Variants in ZNF292 observed in about 807,000 individuals in gnomAD.
ZNF292 encodes the protein 16 zinc-finger domain protein.
A neutral mutation model predicts 217.9 loss-of-function variants in ZNF292; 26 were observed. The ratio of observed to expected loss-of-function variants is 0.12; its 90% CI spans 0.09 to 0.17. ZNF292 has a LOEUF of 0.17. ZNF292 is among the 10% of genes least tolerant of loss of function. The probability of loss-of-function intolerance (pLI) is 1.00; values close to 1 mark genes in which losing one functional copy is unlikely to be tolerated. For synonymous variants in ZNF292, 1,257 were observed against 1,124.1 expected (o/e 1.12, Z -2.37); for missense variants, 2,904 against 3,175.2 (o/e 0.91, Z 2.05).
chr6:87,227,810 T>C (rs1773432645), intron 4 of ZNF292, among the ~76,000 whole-genome samples: 1 of 152,208 alleles, frequency 6.6e-6, no homozygotes, highest in African/African-American at 2.4e-5. Flanking sequence ...CCATTATATG[T>C]TTATACCACA....
At position 87,260,342 on chromosome 6, in the gene ZNF292, A is replaced by G. The variant is rs1775498174; in HGVS notation, c.6713A>G (p.Glu2238Gly). Residue 2238 changes from glutamate (E) to glycine (G), a missense_variant, in exon 8 of 8, where the codon GAG becomes GGG. Physicochemically the swap from Glu to Gly is moderately conservative, Grantham distance 98. Transcript: ENST00000369577. ...TATTTGAACTATGTTGTTCATCTAG[A>G]GGCAGACCACGGGATTGGACTAAGG... The part of the protein sequence containing the change: ...TTYLNYVVHL[E>G]ADHGIGLRAS... 6.2e-7 allele frequency: 1 copy of G among 1,613,434 alleles called. No homozygotes were observed. The highest frequency in any genetic ancestry group is 2.2e-5 in the East Asian group (1 of 44,862).
At position 87,155,608 on chromosome 6, in the gene ZNF292, C is replaced by G. The variant is rs936204691; in HGVS notation, c.17C>G (p.Ala6Gly). ...GGTGTGAAGATGGCGGACGAAGAGG[C>G]CGAGCAGGAGAGGTTGAGTTGCGGC... MADEE[A>G]EQERLSCGEG... Residue 6 changes from alanine to glycine, a missense_variant, in exon 1 of 8, where the codon GCC (alanine) becomes GGC (glycine). Physicochemically the swap from Ala to Gly is moderately conservative, Grantham distance 60. Around this residue, in one of 15 missense-constraint regions of ZNF292, gnomAD observed 66 missense variants for 44.1 expected, o/e 1.50. Transcript: ENST00000369577. The G allele has an allele frequency of 2.5e-6, 4 of 1,581,228 alleles. No individual in the cohort carries two copies. Among genetic ancestry groups the G allele is most frequent in the African/African-American group, 2.7e-5 (2 of 74,400 alleles).
Position 87,233,457 on chromosome 6 carries a change from A to C in ZNF292, c.671A>C (p.Lys224Thr), listed in dbSNP as rs1773751236. The change falls in exon 5 of 8, where the codon AAA becomes ACA. Residue 224 changes from lysine (K) to threonine (T), a missense_variant. By Grantham distance (78) the Lys-to-Thr change is moderately conservative. This residue lies in a region of ZNF292 where 313 missense variants were observed against 451.0 expected (regional missense o/e 0.69). Coordinates refer to ENST00000369577, the MANE Select transcript of ZNF292 (RefSeq NM_015021.3). ...TCTGACCATCCAGAGATTGGCATAA[A>C]AGGTAGTTTTAAGCAAACTTACCTT... The part of the protein sequence containing the change: ...LCSDHPEIGI[K>T]GSFKQTYLVC... 1 of 1,613,512 alleles carries C rather than the reference A, an allele frequency of 6.2e-7. No individual in the cohort carries two copies. Among genetic ancestry groups the C allele is most frequent in the Admixed American group, 1.7e-5 (1 of 60,004 alleles).
At position 87,218,750 on chromosome 6, in the gene ZNF292, G is replaced by A. The variant is rs1297008707; in HGVS notation, c.538+19G>A. On this transcript the variant is annotated intron_variant, in intron 4 of 7. Coordinates refer to ENST00000369577, the MANE Select transcript of ZNF292 (RefSeq NM_015021.3). The stretch of plus-strand genomic sequence containing the variant: ...GATAAAGGTAAATTTTCGAGAGACA[G>A]AGAAAAAAAAGAATAATTAGACTAG... The A allele has an allele frequency of 2.6e-6, 4 of 1,550,230 alleles. No individual in the cohort carries two copies. Among genetic ancestry groups the A allele is most frequent in the Admixed American group, 4.4e-5 (2 of 45,312 alleles).
chr6:87,250,566 T>G (rs1288681572), intron 7 of ZNF292, among the ~76,000 whole-genome samples: 1 of 152,226 alleles, frequency 6.6e-6, no homozygotes, highest in African/African-American at 2.4e-5. Context: ...GTATTAGGTA[T>G]TATAAGTAAT....
At chr6:87,215,814 T>C (rs1017388142) in intron 1 of ZNF292, 89 bp from the exon 2 acceptor site, 15 of 1,013,992 alleles carry the variant, frequency 1.5e-5, no homozygotes, top group African/African-American at 6.8e-5. Context: ...ATCTGTATTT[T>C]TCAAAATTTT....
intron 7 of ZNF292, among the ~76,000 whole-genome samples, 199 bp downstream of exon 7, chr6:87,245,843 C>G (rs1186291069): frequency 4.6e-5 from 7 of 152,122 alleles, no homozygotes; most frequent in Non-Finnish European, 1.0e-4. Flanking sequence ...GGGACTTGTT[C>G]TTAGCCAGAA....
At chr6:87,208,393 G>T (rs543800116) in intron 1 of ZNF292, among the ~76,000 whole-genome samples, 1 of 151,306 alleles carries the variant, frequency 6.6e-6, no homozygotes, top group African/African-American at 2.4e-5. Flanking sequence ...ATTTATTATG[G>T]GACCTCTAGC....
intron 1 of ZNF292, among the ~76,000 whole-genome samples, chr6:87,160,448 C>T (rs77079965): frequency 0.023 from 3,527 of 150,294 alleles, 131 homozygotes; most frequent in African/African-American, 0.083. Context: ...GAATTACAGT[C>T]GTGTGTGTAT....
In ZNF292 at chr6:87,254,587, C is replaced by G. The variant is rs185436352; in HGVS notation, c.1021-63C>G. On this transcript the variant is annotated intron_variant, in intron 7 of 7. Coordinates refer to ENST00000369577, the MANE Select transcript of ZNF292 (RefSeq NM_015021.3). ...AACAAATCTCAATCTTAACTAAATT[C>G]TGAAATAAATTAGTGTTGATTAGTG... The G allele has an allele frequency of 1.1e-5, 16 of 1,417,116 alleles. No individual in the cohort carries two copies. The African/African-American group carries it at 1.9e-4, about 17-fold the overall frequency. 87.8% of individuals were successfully genotyped at this position (1,417,116 alleles called of 1,614,324 possible).
chr6:87,212,698 A>T (rs991913524), intron 1 of ZNF292, among the ~76,000 whole-genome samples: 1 of 152,176 alleles, frequency 6.6e-6, no homozygotes, highest in African/African-American at 2.4e-5. Context: ...TTGAATTCCA[A>T]ATTTTCTTGT....
intron 1 of ZNF292, among the ~76,000 whole-genome samples, chr6:87,171,703 A>G (rs1235208923): frequency 6.6e-6 from 1 of 152,198 alleles, no homozygotes; most frequent in Non-Finnish European, 1.5e-5. Flanking sequence ...TCTGGTATGT[A>G]TTTTATACTG....
intron 4 of ZNF292, among the ~76,000 whole-genome samples, chr6:87,230,331 T>A (rs982166929): frequency 6.6e-6 from 1 of 152,196 alleles, no homozygotes; most frequent in African/African-American, 2.4e-5. Context: ...TAACCTGTGG[T>A]ACATAGTACA....
intron 1 of ZNF292, among the ~76,000 whole-genome samples, chr6:87,170,700 G>T (rs1238729222): frequency 6.6e-6 from 1 of 152,108 alleles, no homozygotes; most frequent in Non-Finnish European, 1.5e-5. Flanking sequence ...TTGAGCAAAA[G>T]AAACTACATC....
intron 5 of ZNF292, among the ~76,000 whole-genome samples, chr6:87,240,176 C>T (rs1204847457): frequency 6.6e-6 from 1 of 152,148 alleles, no homozygotes; most frequent in Non-Finnish European, 1.5e-5. Context: ...ACAGCGAAAC[C>T]CCGTCTCCAC....
chr6:87,249,283 C>A, intron 7 of ZNF292: 2 of 299,330 alleles, frequency 6.7e-6, no homozygotes, highest in Non-Finnish European at 1.4e-5. Flanking sequence ...TGTACCATCA[C>A]ACTTGGCTAA....
chr6:87,248,907 A>G (rs1774748346), intron 7 of ZNF292, among the ~76,000 whole-genome samples: 1 of 152,228 alleles, frequency 6.6e-6, no homozygotes, highest in Non-Finnish European at 1.5e-5. Context: ...ATTGTCCATT[A>G]TGGTAGTCAC....
At chr6:87,203,133 CTTTTTTTTTT>C (rs67229216) in intron 1 of ZNF292, among the ~76,000 whole-genome samples, 1 of 116,228 alleles carries the variant, frequency 8.6e-6, no homozygotes, top group Non-Finnish European at 1.7e-5. Context: ...ATATATTTTC[CTTTTTTTTTT>C]TTTTTTTTTT....
intron 7 of ZNF292, among the ~76,000 whole-genome samples, chr6:87,247,676 A>G (rs1048402488): frequency 2.0e-5 from 3 of 152,224 alleles, no homozygotes; most frequent in Admixed American, 1.3e-4. Flanking sequence ...TGAGTTCACC[A>G]TTAAGATTTA....
Sources: allele counts gnomAD v4.1 joint callset (sites outside exome capture counted in the v4.1 genomes callset), GRCh38; gene constraint gnomAD v4.1.1; regional missense constraint gnomAD v4.1.1; transcripts MANE v1.5; gene names NCBI Gene and HGNC (gene_info 2026-07-23, HGNC 2026-07-21).